ST8SIA2: variants seen among roughly 807,000 people sequenced by gnomAD.
ST8SIA2 encodes the protein alpha-2,8-sialyltransferase 8B.
Under a neutral mutation model 37.6 loss-of-function variants are expected in ST8SIA2, and 22 were observed. The ratio of observed to expected loss-of-function variants is 0.58; its 90% confidence interval spans 0.42 to 0.83. The LOEUF (loss-of-function observed/expected upper bound fraction) is 0.83, where lower values mean the gene tolerates loss of function less well. Among genes scored for constraint, ST8SIA2 ranks in the 40% least tolerant of loss-of-function variants. The probability of loss-of-function intolerance (pLI) is 0.00; values close to 1 mark genes in which losing one functional copy is unlikely to be tolerated. For synonymous variants in ST8SIA2, 205 were observed against 201.2 expected, an observed-to-expected ratio of 1.02 and a Z score of -0.16; for missense variants, 382 against 484.7, an observed-to-expected ratio of 0.79 and a Z score of 1.99.
rs765333385 is a variant in ST8SIA2 at position 92,464,382 on chromosome 15, G to A, written c.1125G>A (p.Thr375=). 26 of 1,613,272 alleles carry A rather than the reference G, an allele frequency of 1.6e-5. No homozygotes were observed. Among genetic ancestry groups the A allele is most frequent in the South Asian group, 4.4e-5 (4 of 91,038 alleles). ...KLTVGQCDGA[T] ...CTGTCGGCCAGTGCGATGGGGCCAC[G>A]TAGGGTGGGCACCCCATGGGACTCA... is the stretch of plus-strand genomic sequence containing the variant. The change falls in exon 6 of 6, where the codon ACG becomes ACA. Residue 375 remains threonine (T), a synonymous_variant. Transcript: ENST00000268164.
rs547033760 is a variant in ST8SIA2, at chr15:92,402,501, G to C, written c.98+8339G>C. Among the ~76,000 whole-genome samples, 218 of 152,232 alleles carry C rather than the reference G, an allele frequency of 1.4e-3. 1 individual carries two copies. Among genetic ancestry groups the C allele is most frequent in the African/African-American group, 5.0e-3 (207 of 41,522 alleles). ...GAACAAGGATAATTCTCCAAAAAACGATGTCTTAAATGACATCCAGTGGGG... is the reference window on the plus strand; with the variant it reads ...GAACAAGGATAATTCTCCAAAAAACCATGTCTTAAATGACATCCAGTGGGG... On this transcript the variant is annotated intron_variant, in intron 1 of 5. Transcript: ENST00000268164.
chr15:92,437,352 T>G (rs1158272520), intron 3 of ST8SIA2, among the ~76,000 whole-genome samples: 2 of 152,098 alleles, frequency 1.3e-5, no homozygotes, highest in South Asian at 4.1e-4. Flanking sequence ...CAGAAGGCTG[T>G]GTGTTTCAGG....
intron 4 of ST8SIA2, among the ~76,000 whole-genome samples, chr15:92,442,589 C>A (rs1296339480): frequency 1.3e-5 from 2 of 152,082 alleles, no homozygotes; most frequent in Non-Finnish European, 2.9e-5. Flanking sequence ...GCCCCAGGAC[C>A]CTCAGGAAGG....
At chr15:92,411,992 C>T (rs746794698) in intron 1 of ST8SIA2, among the ~76,000 whole-genome samples, 3 of 152,146 alleles carry the variant, frequency 2.0e-5, no homozygotes, top group Non-Finnish European at 4.4e-5. Flanking sequence ...CAAGGCAAGA[C>T]AGGCAGGTGC....
chr15:92,441,535 A>G (rs977177922), intron 4 of ST8SIA2, among the ~76,000 whole-genome samples: 5 of 151,458 alleles, frequency 3.3e-5, no homozygotes, highest in East Asian at 1.9e-4. Flanking sequence ...TGTGCAGAGT[A>G]TAAGTTCCCA....
chr15:92,402,637 T>C (rs1263770633), intron 1 of ST8SIA2, among the ~76,000 whole-genome samples: 1 of 152,140 alleles, frequency 6.6e-6, no homozygotes, highest in East Asian at 1.9e-4. Flanking sequence ...GGATAGCATG[T>C]TGGAGCCCAG....
At chr15:92,402,068 G>C (rs75778498) in intron 1 of ST8SIA2, among the ~76,000 whole-genome samples, 4,537 of 152,242 alleles carry the variant, frequency 0.03, 214 homozygotes, top group African/African-American at 0.1. Flanking sequence ...AGTGATGGTA[G>C]CTATGAAATT....
chr15:92,460,905 G>T (rs2049952598), intron 5 of ST8SIA2, among the ~76,000 whole-genome samples: 1 of 152,218 alleles, frequency 6.6e-6, no homozygotes, highest in South Asian at 2.1e-4. Context: ...TGGGTCTGAA[G>T]TGTGGGCCTG....
At chr15:92,434,624 C>T (rs919905118) in intron 3 of ST8SIA2, among the ~76,000 whole-genome samples, 1 of 152,208 alleles carries the variant, frequency 6.6e-6, no homozygotes, top group Non-Finnish European at 1.5e-5. Flanking sequence ...GGCTTAGAAG[C>T]AGCAAACCTT....
At chr15:92,435,444 G>A (rs886237961) in intron 3 of ST8SIA2, among the ~76,000 whole-genome samples, 3 of 152,088 alleles carry the variant, frequency 2.0e-5, no homozygotes, top group Non-Finnish European at 4.4e-5. Context: ...GAATAGGGGG[G>A]TAAGGTTGGG....
intron 5 of ST8SIA2, among the ~76,000 whole-genome samples, chr15:92,451,357 G>A (rs2049880784): frequency 6.6e-6 from 1 of 152,318 alleles, no homozygotes; most frequent in East Asian, 1.9e-4. Context: ...ACACACTGCA[G>A]TTGTTCAGAG....
At chr15:92,410,423 C>T (rs191233865) in intron 1 of ST8SIA2, among the ~76,000 whole-genome samples, 2 of 152,350 alleles carry the variant, frequency 1.3e-5, no homozygotes, top group East Asian at 1.9e-4. Flanking sequence ...CTCAATGGAA[C>T]GTCCTGATAA....
chr15:92,426,259 T>A (rs1245099937), intron 1 of ST8SIA2, among the ~76,000 whole-genome samples: 2 of 152,082 alleles, frequency 1.3e-5, no homozygotes, highest in East Asian at 3.8e-4. Flanking sequence ...AAATGGCAGC[T>A]GAGAATTGAA....
At chr15:92,453,920 C>T (rs938145311) in intron 5 of ST8SIA2, among the ~76,000 whole-genome samples, 21 of 152,244 alleles carry the variant, frequency 1.4e-4, no homozygotes, top group African/African-American at 2.2e-4. Context: ...AGATTCCTTC[C>T]GGACGCTGGG....
intron 5 of ST8SIA2, among the ~76,000 whole-genome samples, chr15:92,458,935 C>G (rs1026508567): frequency 2.6e-5 from 4 of 152,138 alleles, no homozygotes; most frequent in African/African-American, 7.2e-5. Flanking sequence ...AGAACAAAGG[C>G]AATATTTCCA....
intron 5 of ST8SIA2, among the ~76,000 whole-genome samples, chr15:92,447,780 A>T (rs193240030): frequency 6.6e-6 from 1 of 152,316 alleles, no homozygotes; most frequent in East Asian, 1.9e-4. Context: ...AATGATCCCC[A>T]TATGGACACG....
rs1204970182 is a variant in ST8SIA2, at chr15:92,464,505, G to A, written c.*120G>A. ...GGCTAGTGGTTTTCTTTGTTAAAGT[G>A]TAAAACAGTGACCAGAATATATATA... On this transcript the variant is annotated 3_prime_UTR_variant, in exon 6 of 6. Transcript: ENST00000268164. 7 of 1,082,564 alleles carry A rather than the reference G, an allele frequency of 6.5e-6. No homozygotes were observed. The highest frequency in any genetic ancestry group is 1.3e-5 in the South Asian group (1 of 77,798). 67.1% of individuals were successfully genotyped at this position (1,082,564 alleles called of 1,614,324 possible).
intron 2 of ST8SIA2, among the ~76,000 whole-genome samples, chr15:92,431,913 T>C (rs2049718575): frequency 2.0e-5 from 3 of 152,024 alleles, no homozygotes; most frequent in Admixed American, 2.0e-4. Flanking sequence ...GAGAGAGAAA[T>C]GGAATTTTAC....
At chr15:92,429,524 C>T (rs1477377414) in intron 1 of ST8SIA2, among the ~76,000 whole-genome samples, 1 of 152,220 alleles carries the variant, frequency 6.6e-6, no homozygotes, top group Non-Finnish European at 1.5e-5. Flanking sequence ...TCTTTTGCCA[C>T]CAAAGAGCAA....
Sources: gnomAD v4.1 joint callset for allele counts (sites outside exome capture counted in the v4.1 genomes callset) on GRCh38, gnomAD v4.1.1 for gene constraint, MANE v1.5 for transcripts, NCBI Gene and HGNC (gene_info 2026-07-23, HGNC 2026-07-21) for gene names.